The following TCF4 variants were observed in gnomAD, a reference collection of about 807,000 sequenced individuals.
The protein encoded by TCF4 is SL3-3 enhancer factor 2.
Under a neutral mutation model 82.1 loss-of-function variants are expected in TCF4, and 3 were observed. The ratio of observed to expected loss-of-function variants is 0.04; its 90% CI spans 0.02 to 0.09. TCF4 has a LOEUF of 0.09. Ranked by LOEUF, TCF4 falls within the 10% of genes least tolerant of loss-of-function variation. The pLI, the probability that TCF4 is intolerant of heterozygous loss-of-function variation, is 1.00. For synonymous variants in TCF4, 276 were observed against 309.6 expected, an observed-to-expected ratio of 0.89 and a Z score of 1.14; for missense variants, 518 against 852.7, an observed-to-expected ratio of 0.61 and a Z score of 4.89.
chr18:55,611,194 C>T (rs1404177216), intron 2 of TCF4, among the ~76,000 whole-genome samples: 1 of 152,182 alleles, frequency 6.6e-6, no homozygotes, highest in East Asian at 1.9e-4. Context: ...CCAGACTACT[C>T]TGGGCTGGCT....
Position 55,588,161 on chromosome 18 carries a change from C to A in TCF4, c.-144G>T. The A allele has an allele frequency of 6.4e-6, 7 of 1,096,918 alleles. No individual in the cohort carries two copies. The highest frequency in any genetic ancestry group is 7.7e-6 in the Non-Finnish European group (7 of 908,042). 67.9% of individuals were successfully genotyped at this position (1,096,918 alleles called of 1,614,324 possible). A position where few individuals can be genotyped will look rare whatever the true frequency, so the allele number is the denominator to read the frequency against. On this transcript the variant is annotated 5_prime_UTR_variant, in exon 1 of 20. Coordinates refer to ENST00000354452, the MANE Select transcript of TCF4 (RefSeq NM_001083962.2). ...GCTCCCGCGCCTGCTGCCTCCCCGCCGCCGCCGCCGCCGCCGCCACTACAG... is the reference window on the plus strand; with the variant it reads ...GCTCCCGCGCCTGCTGCCTCCCCGCAGCCGCCGCCGCCGCCGCCACTACAG...
At position 55,537,006 on chromosome 18, in the gene TCF4, C is replaced by T. The variant is rs563335266; in HGVS notation, c.145+48274G>A. Among the ~76,000 whole-genome samples the T allele has an allele frequency of 3.3e-5, 5 of 151,956 alleles. No individual in the cohort carries two copies. The South Asian group carries it at 1.0e-3, about 32-fold the overall frequency. ...AAAATTAGCCGGGTGTGGTGGCGGG[C>T]GCCTGTAGTCCCAGCTACTGGAGAG... is the stretch of plus-strand genomic sequence containing the variant. On this transcript the variant is annotated intron_variant, in intron 3 of 19. Transcript: ENST00000354452.
chr18:55,505,457 A>G (rs543231850), intron 3 of TCF4, among the ~76,000 whole-genome samples: 49 of 152,316 alleles, frequency 3.2e-4, no homozygotes, highest in African/African-American at 1.1e-3. Context: ...TTTAGTCCTC[A>G]GTATGATTCT....
intron 3 of TCF4, chr18:55,482,871 C>G (rs1240535836): frequency 6.6e-6 from 1 of 152,254 alleles, no homozygotes; most frequent in Non-Finnish European, 1.5e-5. Context: ...TCTATCAACT[C>G]AGCTGAATCA....
intron 6 of TCF4, chr18:55,401,117 T>C: frequency 7.8e-7 from 1 of 1,288,912 alleles, no homozygotes; most frequent in Non-Finnish European, 1.0e-6. Context: ...AGACAGGGAT[T>C]CAAATAACAA....
At chr18:55,297,093 T>G (rs535122515) in intron 8 of TCF4, among the ~76,000 whole-genome samples, 17 of 151,904 alleles carry the variant, frequency 1.1e-4, no homozygotes, top group Non-Finnish European at 2.2e-4. Flanking sequence ...ATCAGAATGT[T>G]GTTTTGTAGG....
At chr18:55,297,960 T>A (rs1183773729) in intron 8 of TCF4, among the ~76,000 whole-genome samples, 3 of 152,200 alleles carry the variant, frequency 2.0e-5, no homozygotes, top group African/African-American at 4.8e-5. Context: ...TTGATCATTT[T>A]AAAAGTTGTC....
At chr18:55,299,831 T>G (rs2067608227) in intron 8 of TCF4, among the ~76,000 whole-genome samples, 1 of 152,126 alleles carries the variant, frequency 6.6e-6, no homozygotes, top group Non-Finnish European at 1.5e-5. Context: ...TGAGCCACAG[T>G]AATGAGGAGT....
At chr18:55,501,034 G>A (rs1391400228) in intron 3 of TCF4, among the ~76,000 whole-genome samples, 1 of 152,136 alleles carries the variant, frequency 6.6e-6, no homozygotes, top group Non-Finnish European at 1.5e-5. Context: ...GAAGATCTAG[G>A]AAATGGGTGA....
intron 5 of TCF4, among the ~76,000 whole-genome samples, chr18:55,412,477 C>A (rs2094388444): frequency 6.6e-6 from 1 of 152,044 alleles, no homozygotes; most frequent in South Asian, 2.1e-4. Flanking sequence ...ACCCACTGGC[C>A]CGCTGCTCTG....
intron 3 of TCF4, among the ~76,000 whole-genome samples, chr18:55,575,466 T>G (rs1398382626): frequency 1.3e-5 from 2 of 152,218 alleles, no homozygotes; most frequent in African/African-American, 4.8e-5. Context: ...TTGCAAAATA[T>G]TTCCAATATA....
At chr18:55,516,802 G>A (rs531989074) in intron 3 of TCF4, among the ~76,000 whole-genome samples, 100 of 151,836 alleles carry the variant, frequency 6.6e-4, no homozygotes, top group Non-Finnish European at 1.1e-3. Context: ...GGTGTAGAGT[G>A]GGAGAGAAAG....
intron 5 of TCF4, among the ~76,000 whole-genome samples, chr18:55,446,812 G>A (rs1274595406): frequency 6.6e-6 from 1 of 151,792 alleles, no homozygotes; most frequent in African/African-American, 2.4e-5. Context: ...GTGAAACCCT[G>A]TCTCTACTAA....
chr18:55,618,069 T>A (rs957772726), intron 2 of TCF4, among the ~76,000 whole-genome samples: 1 of 152,280 alleles, frequency 6.6e-6, no homozygotes, highest in South Asian at 2.1e-4. Flanking sequence ...TTGAGTACAA[T>A]GTTAGCTATG....
At chr18:55,408,712 C>T (rs2094208699) in intron 5 of TCF4, among the ~76,000 whole-genome samples, 2 of 152,028 alleles carry the variant, frequency 1.3e-5, no homozygotes, top group Non-Finnish European at 2.9e-5. Context: ...GAAAATTGCC[C>T]ACAGCCACAC....
At chr18:55,397,587 TAA>T (rs1407989509) in intron 6 of TCF4, among the ~76,000 whole-genome samples, 1 of 152,166 alleles carries the variant, frequency 6.6e-6, no homozygotes, top group Non-Finnish European at 1.5e-5. Flanking sequence ...AAAGAAATTA[TAA>T]AGAGACATAG....
intron 3 of TCF4, among the ~76,000 whole-genome samples, chr18:55,569,643 C>T (rs1179434281): frequency 1.3e-5 from 2 of 151,008 alleles, no homozygotes; most frequent in Non-Finnish European, 3.0e-5. Context: ...ATAATAGAAA[C>T]AGAAAAATAA....
At chr18:55,287,730 C>A (rs1456610642) in intron 8 of TCF4, among the ~76,000 whole-genome samples, 2 of 152,184 alleles carry the variant, frequency 1.3e-5, no homozygotes, top group East Asian at 3.8e-4. Flanking sequence ...TAAGTGTGTG[C>A]CTTCTGCGTG....
intron 5 of TCF4, among the ~76,000 whole-genome samples, chr18:55,450,311 T>A (rs1024958595): frequency 6.6e-6 from 1 of 152,210 alleles, no homozygotes; most frequent in African/African-American, 2.4e-5. Context: ...CAAATGATGC[T>A]TCCTTGCAAT....
Sources: allele counts gnomAD v4.1 joint callset (sites outside exome capture counted in the v4.1 genomes callset), GRCh38; gene constraint gnomAD v4.1.1; transcripts MANE v1.5; gene names NCBI Gene and HGNC (gene_info 2026-07-23, HGNC 2026-07-21).